PCDHGB4: variants seen among roughly 807,000 people sequenced by gnomAD.
PCDHGB4 encodes protocadherin gamma-B4.
Under a neutral mutation model 60.5 loss-of-function variants are expected in PCDHGB4, and 38 were observed. That is an observed-to-expected ratio of 0.63 (90% CI 0.48 to 0.82). The LOEUF is 0.82. Ranked by LOEUF, PCDHGB4 falls within the 40% of genes least tolerant of loss-of-function variation. The pLI is 0.00. For missense variants in PCDHGB4, 1,109 were observed against 1,209.6 expected (o/e 0.92, Z 1.23); for synonymous variants, 456 against 509.7 (o/e 0.89, Z 1.42).
rs180741728 is a variant in PCDHGB4 at position 141,505,088 on chromosome 5, G to A, written c.2457-305G>A. Among the ~76,000 whole-genome samples the A allele has an allele frequency of 3.7e-3, 563 of 152,300 alleles. 5 individuals carry two copies. Among genetic ancestry groups the A allele is most frequent in the Admixed American group, 0.011 (163 of 15,294 alleles). On this transcript the variant is annotated intron_variant, in intron 2 of 3. Coordinates refer to ENST00000519479, the MANE Select transcript of PCDHGB4 (RefSeq NM_003736.4). ...GAGGCAGGAGAATCGCTTGAACCCA[G>A]GAGGTGGATGTTGCAATGAGCCAAG...
At chr5:141,395,550 G>T (rs1402921293) in intron 1 of PCDHGB4, 4 of 47,806 alleles carry the variant, frequency 8.4e-5, no homozygotes, top group South Asian at 8.8e-4. Flanking sequence ...GTTTGTGTGT[G>T]TGTGTGTGTG....
intron 1 of PCDHGB4, chr5:141,403,454 C>T: frequency 6.2e-7 from 1 of 1,614,054 alleles, no homozygotes; most frequent in Non-Finnish European, 8.5e-7. Context: ...GAACTCCCTC[C>T]AGAGCTACCA....
chr5:141,455,158 T>TG (rs1279537888), intron 1 of PCDHGB4, among the ~76,000 whole-genome samples: 46 of 145,032 alleles, frequency 3.2e-4, no homozygotes, highest in African/African-American at 1.0e-3. Flanking sequence ...ATTAGTTTGT[T>TG]GGTTTTTTTT....
intron 1 of PCDHGB4, chr5:141,393,645 G>A (rs2092814255): frequency 6.2e-7 from 1 of 1,613,752 alleles, no homozygotes; most frequent in Non-Finnish European, 8.5e-7. Flanking sequence ...CGGAAAAGTG[G>A]CATACAAATT....
rs1240421900 is a variant in PCDHGB4, at chr5:141,388,908, G to A, written c.1024G>A (p.Ala342Thr). ...EVEVIDENDN[A>T]PEVIFQSLPN... ...AGAAGTCATAGATGAAAATGACAAC[G>A]CCCCAGAAGTGATATTCCAGTCTCT... Residue 342 changes from alanine to threonine, a missense_variant, in exon 1 of 4, where the codon GCC becomes ACC. Ala to Thr is a moderately conservative substitution (Grantham distance 58). Transcript: ENST00000519479. 5 of 1,613,892 alleles carry A rather than the reference G, an allele frequency of 3.1e-6. No individual in the cohort carries two copies. Among genetic ancestry groups the A allele is most frequent in the Admixed American group, 1.7e-5 (1 of 60,026 alleles).
intron 1 of PCDHGB4, 102 bp from the exon 2 acceptor site, chr5:141,494,705 G>A (rs2099756254): frequency 1.3e-6 from 2 of 1,597,990 alleles, no homozygotes; most frequent in East Asian, 2.2e-5. Context: ...TTTCTTCTCT[G>A]TGCCCACTCC....
At chr5:141,474,115 G>A (rs1404490690) in intron 1 of PCDHGB4, among the ~76,000 whole-genome samples, 2 of 152,062 alleles carry the variant, frequency 1.3e-5, no homozygotes, top group South Asian at 2.1e-4. Context: ...CAACAACAAC[G>A]AAAATCTCAG....
chr5:141,414,472 A>G (rs1039987036), intron 1 of PCDHGB4: 1 of 1,613,914 alleles, frequency 6.2e-7, no homozygotes, highest in African/African-American at 1.3e-5. Flanking sequence ...AGATGGGGGA[A>G]GTCCTCCTCT....
intron 1 of PCDHGB4, chr5:141,419,596 G>A (rs377287183): frequency 2.6e-5 from 42 of 1,611,564 alleles, no homozygotes; most frequent in Non-Finnish European, 3.3e-5. Flanking sequence ...ACACAGTGCC[G>A]CGGGCCGCGC....
chr5:141,507,691 A>G (rs777728143), intron 3 of PCDHGB4, among the ~76,000 whole-genome samples: 72 of 152,198 alleles, frequency 4.7e-4, no homozygotes, highest in Non-Finnish European at 6.8e-4. Context: ...CAGAAATGAA[A>G]TCAGTATTTA....
chr5:141,393,481 C>G (rs368525192), intron 1 of PCDHGB4: 11 of 1,613,948 alleles, frequency 6.8e-6, no homozygotes, highest in African/African-American at 5.3e-5. Flanking sequence ...CCGCCTCGCT[C>G]TAGCACAGTG....
intron 1 of PCDHGB4, chr5:141,393,472 C>A: frequency 6.2e-7 from 1 of 1,614,024 alleles, no homozygotes; most frequent in Non-Finnish European, 8.5e-7. Context: ...GGCGGCAAGC[C>A]GCCTCGCTCT....
At chr5:141,407,505 T>TTTTTTTTTTTTTTTTTTTTTTGAG (rs1460306566) in intron 1 of PCDHGB4, among the ~76,000 whole-genome samples, 1 of 152,148 alleles carries the variant, frequency 6.6e-6, no homozygotes, top group African/African-American at 2.4e-5. Context: ...CTGTTTTTCT[T>TTTTTTTTTTTTTTTTTTTTTTGAG]AGGCTATGTA....
chr5:141,495,122 C>T (rs1365586518), intron 2 of PCDHGB4, among the ~76,000 whole-genome samples: 2 of 152,282 alleles, frequency 1.3e-5, no homozygotes, highest in East Asian at 3.9e-4. Flanking sequence ...TTCCTATCCC[C>T]TGAGGGCACT....
chr5:141,427,928 G>A (rs1178662640), intron 1 of PCDHGB4: 2 of 1,583,504 alleles, frequency 1.3e-6, no homozygotes. Flanking sequence ...GCCGGCGCAT[G>A]TTGGTGGGCG....
chr5:141,417,965 T>C lies in PCDHGB4; in HGVS notation c.2397+27684T>C. On this transcript the variant is annotated intron_variant, in intron 1 of 3. Coordinates refer to ENST00000519479, the MANE Select transcript of PCDHGB4 (RefSeq NM_003736.4). ...CACGCTGTGTGAGCCGATCCGCTAC[T>C]CGATTCCGGAGGAGCTGGCCAAGGG... 3 of 1,613,654 alleles carry C rather than the reference T, an allele frequency of 1.9e-6. No homozygotes were observed. In the South Asian group the frequency reaches 3.3e-5, roughly 18 times the overall value.
intron 1 of PCDHGB4, among the ~76,000 whole-genome samples, chr5:141,465,360 C>T (rs1238387777): frequency 6.6e-6 from 1 of 151,940 alleles, no homozygotes; most frequent in Non-Finnish European, 1.5e-5. Context: ...AAAATGGGTG[C>T]CCTTTAAAGT....
intron 1 of PCDHGB4, chr5:141,418,548 T>C: frequency 6.2e-7 from 1 of 1,613,964 alleles, no homozygotes; most frequent in Non-Finnish European, 8.5e-7. Flanking sequence ...CAGATAAGAA[T>C]CCTGGTAATA....
intron 1 of PCDHGB4, chr5:141,393,581 C>T (rs1356594219): frequency 5.0e-6 from 8 of 1,613,790 alleles, no homozygotes; most frequent in Non-Finnish European, 6.8e-6. Flanking sequence ...AGAACATGCC[C>T]CCAGGCACGC....
Sources: allele counts gnomAD v4.1 joint callset (sites outside exome capture counted in the v4.1 genomes callset), GRCh38; gene constraint gnomAD v4.1.1; transcripts MANE v1.5; gene names NCBI Gene and HGNC (gene_info 2026-07-23, HGNC 2026-07-21).